FGD5: variants seen among roughly 807,000 people sequenced by gnomAD.
FGD5 encodes the protein FYVE, RhoGEF and PH domain-containing protein 5.
FGD5 carries 28 observed loss-of-function variants against 133.4 expected under a neutral mutation model. The observed-to-expected ratio is 0.21, with a 90% CI of 0.16 to 0.29. The LOEUF is 0.29. FGD5 is among the 10% of genes least tolerant of loss of function. The pLI is 1.00. For missense variants in FGD5, 1,858 were observed against 1,895.2 expected (o/e 0.98, Z 0.36); for synonymous variants, 810 against 776.5 (o/e 1.04, Z -0.72).
chr3:14,933,045 C>T, intron 19 of FGD5, 86 bp from the exon 20 acceptor site: 2 of 1,434,180 alleles, frequency 1.4e-6, no homozygotes, highest in Non-Finnish European at 1.9e-6. Flanking sequence ...TAAGAGGAAT[C>T]TACTAGTCCA....
intron 1 of FGD5, among the ~76,000 whole-genome samples, chr3:14,847,741 G>C (rs1268562880): frequency 6.6e-6 from 1 of 152,236 alleles, no homozygotes; most frequent in Non-Finnish European, 1.5e-5. Context: ...GCTGGAGACT[G>C]AGCTCCTCCC....
chr3:14,918,927 GGTATCCTTCTGGGTCAAA>G (rs905466822), intron 13 of FGD5, 94 bp downstream of exon 13: 51 of 1,373,418 alleles, frequency 3.7e-5, no homozygotes, highest in African/African-American at 2.4e-4. Flanking sequence ...TTTTTATTTT[GGTATCCTTCTGGGTCAAA>G]GTATCCTTCT....
At chr3:14,913,951 C>G (rs1042285392) in intron 11 of FGD5, among the ~76,000 whole-genome samples, 1 of 152,168 alleles carries the variant, frequency 6.6e-6, no homozygotes, top group Non-Finnish European at 1.5e-5. Flanking sequence ...ACACTCCCCC[C>G]GTCTGGCATG....
chr3:14,861,812 C>A (rs919814376), intron 1 of FGD5, among the ~76,000 whole-genome samples: 1 of 152,202 alleles, frequency 6.6e-6, no homozygotes, highest in Non-Finnish European at 1.5e-5. Flanking sequence ...GCTTGCTGGA[C>A]AGGCTGAGCT....
At chr3:14,874,193 C>G (rs961596285) in intron 2 of FGD5, among the ~76,000 whole-genome samples, 2 of 152,188 alleles carry the variant, frequency 1.3e-5, no homozygotes, top group African/African-American at 4.8e-5. Context: ...CACCGATGGA[C>G]AAATACTGCA....
In FGD5 at chr3:14,917,125, C is replaced by T. The variant is rs762482566; in HGVS notation, c.3406-124C>T. ...TTTTGGCCGCAACGTTTTTGCTCAC[C>T]TGTGGGGGTTACTGAGGAATACAAG... is the stretch of plus-strand genomic sequence containing the variant. On this transcript the variant is annotated intron_variant, in intron 11 of 19. Coordinates refer to ENST00000285046, the MANE Select transcript of FGD5 (RefSeq NM_152536.4). This position sits in a 1 kb window ranked among gnomAD's most constrained non-coding sequence, Gnocchi z 4.1. The T allele has an allele frequency of 5.1e-6, 4 of 787,582 alleles. No individual in the cohort carries two copies. Among genetic ancestry groups the T allele is most frequent in the East Asian group, 2.9e-5 (1 of 34,792 alleles). The allele number at this position is 787,582 out of a possible 1,614,324, so 48.8% of individuals were successfully genotyped here.
chr3:14,814,471 C>T (rs1341969281), upstream of FGD5, among the ~76,000 whole-genome samples: 6 of 152,162 alleles, frequency 3.9e-5, no homozygotes, highest in Non-Finnish European at 8.8e-5. Context: ...CTCCATCTGG[C>T]TCCCTTTTGT....
chr3:14,812,424 A>T (rs917071323), intron 1 of FGD5, among the ~76,000 whole-genome samples: 13 of 152,178 alleles, frequency 8.5e-5, no homozygotes, highest in African/African-American at 3.1e-4. Context: ...CAGTTTTCCC[A>T]CGTTTTCCTG....
At chr3:14,834,762 C>CG (rs1330811466) in intron 1 of FGD5, among the ~76,000 whole-genome samples, 1 of 152,088 alleles carries the variant, frequency 6.6e-6, no homozygotes, top group Non-Finnish European at 1.5e-5. Flanking sequence ...AAGCCACAGG[C>CG]GGGGCATGTA....
At chr3:14,816,625 C>T (rs2036372583), upstream of FGD5, among the ~76,000 whole-genome samples, 1 of 152,214 alleles carries the variant, frequency 6.6e-6, no homozygotes. Flanking sequence ...AAGGCTCCCT[C>T]TGTTACCCTA....
intron 2 of FGD5, among the ~76,000 whole-genome samples, chr3:14,879,762 G>A (rs960987260): frequency 1.3e-5 from 2 of 152,228 alleles, no homozygotes; most frequent in Non-Finnish European, 2.9e-5. Context: ...TGAGCAGGGA[G>A]GATCAGGAGA....
intron 11 of FGD5, among the ~76,000 whole-genome samples, chr3:14,912,538 CG>C (rs2038469084): frequency 6.6e-6 from 1 of 152,098 alleles, no homozygotes; most frequent in African/African-American, 2.4e-5. Flanking sequence ...TTCTCTAGGT[CG>C]TTTTTTTTAA....
At position 14,906,265 on chromosome 3, in the gene FGD5, C is replaced by T. The variant is rs182184547; in HGVS notation, c.3265-1375C>T. Among the ~76,000 whole-genome samples, 238 of 152,322 alleles carry T rather than the reference C, an allele frequency of 1.6e-3. 1 individual carries two copies. The highest frequency in any genetic ancestry group is 5.3e-3 in the African/African-American group (222 of 41,574). Reference sequence around the variant, plus strand: ...TACATCTGAAGCAGGGCCTGTGAGCCGGGCTCTCACAGCATTCCTGTCCCT... The same window carrying T: ...TACATCTGAAGCAGGGCCTGTGAGCTGGGCTCTCACAGCATTCCTGTCCCT... On this transcript the variant is annotated intron_variant, in intron 9 of 19. Transcript: ENST00000285046.
intron 1 of FGD5, among the ~76,000 whole-genome samples, chr3:14,827,297 T>C (rs1204780529): frequency 6.7e-6 from 1 of 148,582 alleles, no homozygotes; most frequent in East Asian, 1.9e-4. Context: ...TTTTTTTTTT[T>C]TTTTTTTTTG....
chr3:14,886,552 C>T (rs149483676), intron 4 of FGD5, among the ~76,000 whole-genome samples: 4 of 152,362 alleles, frequency 2.6e-5, no homozygotes, highest in Non-Finnish European at 5.9e-5. Flanking sequence ...GGGACGTGCT[C>T]TCCCCTCCGA....
intron 17 of FGD5, 84 bp from the exon 18 acceptor site, chr3:14,925,986 T>G: frequency 6.4e-7 from 1 of 1,560,664 alleles, no homozygotes; most frequent in Non-Finnish European, 8.7e-7. Context: ...GCCAAATGGT[T>G]TGCAGTGTCA....
intron 13 of FGD5, among the ~76,000 whole-genome samples, chr3:14,921,699 T>C (rs2038683658): frequency 6.6e-6 from 1 of 152,154 alleles, no homozygotes; most frequent in African/African-American, 2.4e-5. Context: ...GGAATATCAT[T>C]ATTCCAGTGT....
chr3:14,818,778 T>TC (rs2036420982), upstream of FGD5, among the ~76,000 whole-genome samples: 1 of 152,082 alleles, frequency 6.6e-6, no homozygotes, highest in South Asian at 2.1e-4. Flanking sequence ...TAGTGGAAAA[T>TC]CAAGGGGTTT....
Position 14,923,090 on chromosome 3 carries a change from C to T in FGD5, c.3852C>T (p.Tyr1284=). The T allele has an allele frequency of 1.2e-6, 2 of 1,613,836 alleles. No homozygotes were observed. The highest frequency in any genetic ancestry group is 1.3e-5 in the African/African-American group (1 of 74,976). ...CGCGGAACAAGTACCCGCTGAAGTA[C>T]CTGAAGGACAGGATGGCCAAGGTCT... The part of the protein sequence containing the change: ...NCSRNKYPLK[Y]LKDRMAKVCD... Residue 1284 remains tyrosine, a synonymous_variant, in exon 16 of 20, where the codon TAC becomes TAT. Coordinates refer to ENST00000285046, the MANE Select transcript of FGD5 (RefSeq NM_152536.4).
Sources: gnomAD v4.1 joint callset for allele counts (sites outside exome capture counted in the v4.1 genomes callset) on GRCh38, gnomAD v4.1.1 for gene constraint, Gnocchi (gnomAD v3.1) non-coding constraint, MANE v1.5 for transcripts, NCBI Gene and HGNC (gene_info 2026-07-23, HGNC 2026-07-21) for gene names.